Variants in UBE2V2 observed in about 807,000 individuals in gnomAD.
The protein encoded by UBE2V2 is ubiquitin conjugating enzyme E2 V2.
A neutral mutation model predicts 17.2 loss-of-function variants in UBE2V2; 9 were observed. The observed-to-expected ratio is 0.52, with a 90% CI of 0.32 to 0.91. The LOEUF is 0.91. UBE2V2 is among the 40% of genes least tolerant of loss of function. The pLI, the probability that UBE2V2 is intolerant of heterozygous loss-of-function variation, is 0.04. For missense variants in UBE2V2, 133 were observed against 182.6 expected, an observed-to-expected ratio of 0.73 and a Z score of 1.56; for synonymous variants, 61 against 57.5, an observed-to-expected ratio of 1.06 and a Z score of -0.28.
intron 3 of UBE2V2, among the ~76,000 whole-genome samples, chr8:48,058,277 G>GC (rs1487474042): frequency 6.6e-6 from 1 of 152,122 alleles, no homozygotes; most frequent in Non-Finnish European, 1.5e-5. Flanking sequence ...GACCAGCCTG[G>GC]CCAACATAGT....
At chr8:48,040,312 C>G (rs2091453084) in intron 1 of UBE2V2, among the ~76,000 whole-genome samples, 2 of 152,060 alleles carry the variant, frequency 1.3e-5, no homozygotes, top group Admixed American at 1.3e-4. Flanking sequence ...TTATCAAAAT[C>G]AGGAAATTAA....
intron 3 of UBE2V2, among the ~76,000 whole-genome samples, chr8:48,058,543 C>T (rs551408273): frequency 6.8e-6 from 1 of 147,780 alleles, no homozygotes; most frequent in African/African-American, 2.5e-5. Context: ...CTGCACTGCA[C>T]TCTAGCCTGG....
At chr8:48,017,916 G>A (rs1371143623) in intron 1 of UBE2V2, among the ~76,000 whole-genome samples, 1 of 149,628 alleles carries the variant, frequency 6.7e-6, no homozygotes, top group East Asian at 2.0e-4. Flanking sequence ...GCATAGTCAC[G>A]GCTCGCTGCA....
chr8:48,032,225 A>G lies in UBE2V2; in HGVS notation c.17-10808A>G, dbSNP rs1414454587. Among the ~76,000 whole-genome samples the G allele has an allele frequency of 3.3e-5, 5 of 152,198 alleles. No individual in the cohort carries two copies. The South Asian group carries it at 8.3e-4, about 25-fold the overall frequency. The stretch of plus-strand genomic sequence containing the variant: ...GTTAACTGAATACTAAGCAATTGTG[A>G]TCAATTTAAACTTAAATGTATTCTA... On this transcript the variant is annotated intron_variant, in intron 1 of 3. Transcript: ENST00000523111.
intron 1 of UBE2V2, among the ~76,000 whole-genome samples, chr8:48,009,002 C>T (rs1373644090): frequency 6.6e-6 from 1 of 152,064 alleles, no homozygotes; most frequent in Non-Finnish European, 1.5e-5. Context: ...TACGTGTGAT[C>T]TTTTTATTAT....
chr8:48,035,209 G>C (rs1028941596), intron 1 of UBE2V2: 2 of 860,804 alleles, frequency 2.3e-6, no homozygotes, highest in Non-Finnish European at 2.8e-6. Context: ...TCTGCCTCCC[G>C]GGTTCAAGCA....
the UBE2V2 span, among the ~76,000 whole-genome samples, chr8:48,000,139 T>C: frequency 6.6e-6 from 1 of 152,216 alleles, no homozygotes; most frequent in South Asian, 2.1e-4. Context: ...GAGGCAGAAA[T>C]TGGGCATAAG....
At chr8:48,028,145 G>T (rs182578214) in intron 1 of UBE2V2, among the ~76,000 whole-genome samples, 1 of 152,024 alleles carries the variant, frequency 6.6e-6, no homozygotes, top group African/African-American at 2.4e-5. Context: ...GAGCCACTGT[G>T]CCTGGCCCCT....
At chr8:48,060,626 T>C in intron 3 of UBE2V2, 56 bp from the exon 4 acceptor site, 1 of 1,335,930 alleles carries the variant, frequency 7.5e-7, no homozygotes, top group Non-Finnish European at 9.7e-7. Flanking sequence ...CTTAACAAAT[T>C]GGTGCCATAG....
At chr8:48,004,512 G>GTT (rs199499502), upstream of UBE2V2, among the ~76,000 whole-genome samples, 44 of 137,972 alleles carry the variant, frequency 3.2e-4, no homozygotes, top group Non-Finnish European at 5.2e-4. Flanking sequence ...TTCCTCTTCT[G>GTT]TTTTTTTTTT....
intron 1 of UBE2V2, among the ~76,000 whole-genome samples, chr8:48,017,189 G>T (rs2091275027): frequency 6.6e-6 from 1 of 151,998 alleles, no homozygotes; most frequent in South Asian, 2.1e-4. Context: ...GTGATGTTGA[G>T]AATTTTTTTC....
chr8:48,042,933 A>C, intron 1 of UBE2V2, 100 bp from the exon 2 acceptor site: 1 of 1,225,770 alleles, frequency 8.2e-7, no homozygotes, highest in Admixed American at 3.1e-5. Flanking sequence ...CTTTTTGGGA[A>C]ATAATTTATA....
At chr8:48,025,819 C>T (rs2091341032) in intron 1 of UBE2V2, among the ~76,000 whole-genome samples, 1 of 149,744 alleles carries the variant, frequency 6.7e-6, no homozygotes, top group Non-Finnish European at 1.5e-5. Context: ...CCAGGATGGT[C>T]TCAATCTCCT....
chr8:48,025,368 A>G (rs1438246849), intron 1 of UBE2V2, among the ~76,000 whole-genome samples: 3 of 150,830 alleles, frequency 2.0e-5, no homozygotes, highest in East Asian at 3.9e-4. Context: ...GGTTCAAGCA[A>G]TTCTCCTGCC....
chr8:48,028,443 A>G (rs372694933), intron 1 of UBE2V2, among the ~76,000 whole-genome samples: 1 of 151,620 alleles, frequency 6.6e-6, no homozygotes, highest in South Asian at 2.1e-4. Context: ...AGTTCAAGCA[A>G]TTCTCCTGCC....
chr8:48,015,738 G>A (rs940842288), intron 1 of UBE2V2, among the ~76,000 whole-genome samples: 7 of 152,018 alleles, frequency 4.6e-5, no homozygotes, highest in Non-Finnish European at 1.0e-4. Context: ...GAGATAATAT[G>A]TATTTGTCTT....
At chr8:48,011,142 T>C (rs1373179765) in intron 1 of UBE2V2, among the ~76,000 whole-genome samples, 1 of 152,096 alleles carries the variant, frequency 6.6e-6, no homozygotes, top group Non-Finnish European at 1.5e-5. Context: ...AGCTTAAAAT[T>C]TAAAATTAGA....
At chr8:48,024,193 C>T (rs2091324637) in intron 1 of UBE2V2, among the ~76,000 whole-genome samples, 1 of 152,130 alleles carries the variant, frequency 6.6e-6, no homozygotes, top group Non-Finnish European at 1.5e-5. Context: ...TATGGATTGC[C>T]TGGACTCTAG....
At chr8:48,029,016 T>C (rs2091365733) in intron 1 of UBE2V2, among the ~76,000 whole-genome samples, 1 of 152,154 alleles carries the variant, frequency 6.6e-6, no homozygotes, top group Admixed American at 6.6e-5. Context: ...AGATTCTGGC[T>C]TTTTGTATGT....
Sources: gnomAD v4.1 joint callset for allele counts (sites outside exome capture counted in the v4.1 genomes callset) on GRCh38, gnomAD v4.1.1 for gene constraint, MANE v1.5 for transcripts, NCBI Gene and HGNC (gene_info 2026-07-23, HGNC 2026-07-21) for gene names.